Variants in GOLPH3L observed in about 807,000 individuals in gnomAD.
GOLPH3L encodes Golgi phosphoprotein 3-like.
Under a neutral mutation model 30.3 loss-of-function variants are expected in GOLPH3L, and 22 were observed. The observed-to-expected ratio is 0.73, with a 90% CI of 0.52 to 1.04. The LOEUF (loss-of-function observed/expected upper bound fraction) is 1.04. GOLPH3L is among the 50% of genes least tolerant of loss of function. The pLI, the probability that GOLPH3L is intolerant of heterozygous loss-of-function variation, is 0.00. For synonymous variants in GOLPH3L, 120 were observed against 128.2 expected (o/e 0.94, Z 0.43); for missense variants, 303 against 345.8 (o/e 0.88, Z 0.98).
intron 2 of GOLPH3L, among the ~76,000 whole-genome samples, chr1:150,678,434 AC>A (rs1650871113): frequency 6.6e-6 from 1 of 152,082 alleles, no homozygotes; most frequent in Non-Finnish European, 1.5e-5. Context: ...TATGAAAGAT[AC>A]AAGTTAATAT....
At chr1:150,675,727 G>T (rs1044779058) in intron 2 of GOLPH3L, among the ~76,000 whole-genome samples, 1 of 121,150 alleles carries the variant, frequency 8.3e-6, no homozygotes, top group African/African-American at 3.2e-5. Flanking sequence ...AGTGAGCCAA[G>T]CTCGCGCCAC....
At chr1:150,695,757 C>T (rs587628743) in intron 1 of GOLPH3L, among the ~76,000 whole-genome samples, 1 of 152,250 alleles carries the variant, frequency 6.6e-6, no homozygotes, top group African/African-American at 2.4e-5. Flanking sequence ...TAGACGATAA[C>T]ATTCAGAAAA....
chr1:150,686,852 C>T (rs1028458835), intron 2 of GOLPH3L, among the ~76,000 whole-genome samples: 1 of 152,176 alleles, frequency 6.6e-6, no homozygotes, highest in African/African-American at 2.4e-5. Context: ...TATTTTCCTA[C>T]TATTAAAACA....
chr1:150,696,791 G>A (rs375439659), intron 1 of GOLPH3L, among the ~76,000 whole-genome samples: 1 of 150,788 alleles, frequency 6.6e-6, no homozygotes, highest in African/African-American at 2.4e-5. Flanking sequence ...GCGGGGCAGG[G>A]GGGGAGGGGG....
chr1:150,680,160 A>T (rs976189959), intron 2 of GOLPH3L, among the ~76,000 whole-genome samples: 3 of 152,112 alleles, frequency 2.0e-5, no homozygotes, highest in Non-Finnish European at 4.4e-5. Context: ...GGGAATGGAA[A>T]GGAGGTATCA....
At chr1:150,651,613 C>T (rs1650105366) in intron 4 of GOLPH3L, among the ~76,000 whole-genome samples, 1 of 131,958 alleles carries the variant, frequency 7.6e-6, no homozygotes, top group Admixed American at 8.8e-5. Context: ...CACACCATTA[C>T]ACTCCAGCCT....
chr1:150,659,225 C>T (rs919408504), intron 4 of GOLPH3L, among the ~76,000 whole-genome samples: 4 of 152,136 alleles, frequency 2.6e-5, no homozygotes, highest in African/African-American at 4.8e-5. Context: ...AGAAGGGGGA[C>T]GTGTTGGGAA....
At chr1:150,652,502 T>A (rs1288304659) in intron 4 of GOLPH3L, among the ~76,000 whole-genome samples, 1 of 151,424 alleles carries the variant, frequency 6.6e-6, no homozygotes. Flanking sequence ...AGTTCACTGC[T>A]AGCAGACCTG....
chr1:150,677,164 G>A (rs1432427169), intron 2 of GOLPH3L, among the ~76,000 whole-genome samples: 2 of 150,722 alleles, frequency 1.3e-5, no homozygotes, highest in African/African-American at 2.4e-5. Flanking sequence ...TCTGCCTCCC[G>A]GGTTCAAGCA....
intron 1 of GOLPH3L, 139 bp downstream of exon 1, chr1:150,696,853 A>G (rs1029143199): frequency 4.6e-5 from 7 of 152,172 alleles, no homozygotes; most frequent in African/African-American, 1.7e-4. Context: ...TTTACTAGTT[A>G]AAAATCCTAC....
intron 2 of GOLPH3L, among the ~76,000 whole-genome samples, chr1:150,692,162 A>G (rs1206728254): frequency 1.3e-5 from 2 of 152,186 alleles, no homozygotes. Flanking sequence ...GATAAGAAAA[A>G]AATAAGTACA....
At chr1:150,667,126 A>G (rs895019386) in intron 2 of GOLPH3L, among the ~76,000 whole-genome samples, 9 of 152,122 alleles carry the variant, frequency 5.9e-5, no homozygotes, top group African/African-American at 1.4e-4. Flanking sequence ...TTCCTGACCA[A>G]CCAACTCCTG....
At position 150,694,822 on chromosome 1, in the gene GOLPH3L, T is replaced by A; in HGVS notation, c.17A>T (p.His6Leu). Residue 6 changes from histidine (H) to leucine (L), a missense_variant, in exon 2 of 5, where the codon CAC (histidine) becomes CTC (leucine). Coordinates refer to ENST00000271732, the MANE Select transcript of GOLPH3L (RefSeq NM_018178.6). The part of the protein sequence containing the change: MTTLT[H>L]RARRTEISKN... ...GCTTATTTCAGTGCGACGGGCCCGGTGAGTTAAAGTGGTCATTCTCACCTG... is the reference window on the plus strand; with the variant it reads ...GCTTATTTCAGTGCGACGGGCCCGGAGAGTTAAAGTGGTCATTCTCACCTG... 3 of 1,607,570 alleles carry A rather than the reference T, an allele frequency of 1.9e-6. No individual in the cohort carries two copies. Among genetic ancestry groups the A allele is most frequent in the Non-Finnish European group, 2.5e-6 (3 of 1,177,426 alleles).
intron 3 of GOLPH3L, among the ~76,000 whole-genome samples, chr1:150,662,508 G>A (rs1306783642): frequency 6.6e-6 from 1 of 152,056 alleles, no homozygotes; most frequent in African/African-American, 2.4e-5. Context: ...GAAATTTCTA[G>A]CCAATAGTTA....
intron 2 of GOLPH3L, among the ~76,000 whole-genome samples, chr1:150,692,579 G>A (rs758906112): frequency 4.6e-5 from 7 of 152,076 alleles, no homozygotes; most frequent in Non-Finnish European, 8.8e-5. Context: ...TTTTTGTAGA[G>A]ATGGTGTCTC....
At chr1:150,654,590 G>A (rs1246755788) in intron 4 of GOLPH3L, among the ~76,000 whole-genome samples, 4 of 152,208 alleles carry the variant, frequency 2.6e-5, no homozygotes, top group Admixed American at 6.5e-5. Context: ...TCCCTGTTAG[G>A]ATACACCCTC....
In GOLPH3L at chr1:150,648,471, C is replaced by G; in HGVS notation, c.708G>C (p.Glu236Asp). ...CATCTGTCAGAGAGGAGAAGACATT[C>G]TCTAGCACATCAGAGGAGTGGGCTA... is the stretch of plus-strand genomic sequence containing the variant. ...LVLAHSSDVL[E>D]NVFSSLTDDK... The change falls in exon 5 of 5, where the codon GAG becomes GAC. Residue 236 changes from glutamate (E) to aspartate (D), a missense_variant. Glu to Asp is a conservative substitution (Grantham distance 45, BLOSUM62 2). Transcript: ENST00000271732. 1.2e-6 allele frequency: 2 copies of G among 1,614,126 alleles called. No individual in the cohort carries two copies. Among genetic ancestry groups the G allele is most frequent in the Non-Finnish European group, 1.7e-6 (2 of 1,179,990 alleles).
At chr1:150,674,327 C>T (rs1461463685) in intron 2 of GOLPH3L, among the ~76,000 whole-genome samples, 1 of 150,058 alleles carries the variant, frequency 6.7e-6, no homozygotes, top group East Asian at 2.0e-4. Flanking sequence ...GTGGCATGAT[C>T]TTGGCTCATT....
At chr1:150,664,476 T>C (rs890391784) in intron 2 of GOLPH3L, among the ~76,000 whole-genome samples, 6 of 152,030 alleles carry the variant, frequency 3.9e-5, no homozygotes, top group African/African-American at 1.2e-4. Context: ...TTTTTTGAGA[T>C]GGAGGCTTGC....
Sources: allele counts gnomAD v4.1 joint callset (sites outside exome capture counted in the v4.1 genomes callset), GRCh38; gene constraint gnomAD v4.1.1; transcripts MANE v1.5; gene names NCBI Gene and HGNC (gene_info 2026-07-23, HGNC 2026-07-21).